Variants in RBM12 observed in about 807,000 individuals in gnomAD.
The protein encoded by RBM12 is RNA-binding protein 12.
In RBM12, 24 loss-of-function variants were observed where a neutral mutation model predicts 37.2. That is an observed-to-expected ratio of 0.65 (90% confidence interval 0.47 to 0.91). The LOEUF (loss-of-function observed/expected upper bound fraction) is 0.91. RBM12 is among the 40% of genes least tolerant of loss of function. The probability of loss-of-function intolerance (pLI) is 0.00; values close to 1 mark genes in which losing one functional copy is unlikely to be tolerated. For synonymous variants in RBM12, 420 were observed against 425.2 expected (o/e 0.99, Z 0.15); for missense variants, 1,061 against 1,183.2 (o/e 0.90, Z 1.52).
chr20:35,660,384 T>C (rs1465765748), intron 1 of RBM12, among the ~76,000 whole-genome samples: 1 of 152,142 alleles, frequency 6.6e-6, no homozygotes, highest in Non-Finnish European at 1.5e-5. Context: ...CCGCAGCTTA[T>C]TTTTGTATTT....
chr20:35,664,900 T>A lies in RBM12; in HGVS notation c.-248A>T, dbSNP rs1337934428. 6.6e-6 allele frequency: 1 copy of A among 152,316 alleles called. No homozygotes were observed. The allele number at this position is 152,316 out of a possible 1,614,324, so 9.4% of individuals were successfully genotyped here. The stretch of plus-strand genomic sequence containing the variant: ...CCACCTCCTTCGCCGCTTCACAAAA[T>A]GGCCGTCGGCCCGCTCAGCGGCTCC... On this transcript the variant is annotated 5_prime_UTR_variant, in exon 1 of 3. Coordinates refer to ENST00000374114, the MANE Select transcript of RBM12 (RefSeq NM_006047.6).
chr20:35,651,669 T>A lies in RBM12; in HGVS notation c.*855A>T, dbSNP rs1297348409. On this transcript the variant is annotated 3_prime_UTR_variant, in exon 3 of 3. Coordinates refer to ENST00000374114, the MANE Select transcript of RBM12 (RefSeq NM_006047.6). ...TTCAAATCAAGTATCTTAAACACAT[T>A]ATTAAAAGTGGTTTCTGGTTTTCGA... 6.6e-6 allele frequency: 1 copy of A among 152,524 alleles called. No homozygotes were observed. The highest frequency in any genetic ancestry group is 1.5e-5 in the Non-Finnish European group (1 of 68,036). 9.4% of individuals were successfully genotyped at this position (152,524 alleles called of 1,614,324 possible).
chr20:35,651,979 T>C lies in RBM12; in HGVS notation c.*545A>G, dbSNP rs2033554612. On this transcript the variant is annotated 3_prime_UTR_variant, in exon 3 of 3. Transcript: ENST00000374114. ...GCAACTTCTGAAGCAGGACTGTCTA[T>C]ACAGCAAGGACCCTTAAGAAGCAAT... is the stretch of plus-strand genomic sequence containing the variant. 1 of 152,570 alleles carries C rather than the reference T, an allele frequency of 6.6e-6. No homozygotes were observed. Among genetic ancestry groups the C allele is most frequent in the African/African-American group, 2.4e-5 (1 of 41,434 alleles). The allele number at this position is 152,570 out of a possible 1,614,324, so 9.5% of individuals were successfully genotyped here. A position where few individuals can be genotyped will look rare whatever the true frequency, so the allele number is the denominator to read the frequency against.
rs1449204362 is a variant in RBM12, at chr20:35,650,486, G to T, written c.*2038C>A. 2.0e-5 allele frequency: 3 copies of T among 152,580 alleles called. No individual in the cohort carries two copies. Among genetic ancestry groups the T allele is most frequent in the Admixed American group, 6.5e-5 (1 of 15,274 alleles). 9.5% of individuals were successfully genotyped at this position (152,580 alleles called of 1,614,324 possible). On this transcript the variant is annotated 3_prime_UTR_variant, in exon 3 of 3. Transcript: ENST00000374114. ...GTGGCTGAAATACAACTCTCAAGCA[G>T]TGCTGAAGTTTTTTGCATTGTCTTT... is the stretch of plus-strand genomic sequence containing the variant.
chr20:35,663,020 C>T (rs904415375), intron 1 of RBM12, among the ~76,000 whole-genome samples: 1 of 152,188 alleles, frequency 6.6e-6, no homozygotes, highest in Non-Finnish European at 1.5e-5. Context: ...CATTAAAAAT[C>T]TGTCCAATAA....
At position 35,654,651 on chromosome 20, in the gene RBM12, GGGCACAGGA is replaced by G. The variant is rs768028697; in HGVS notation, c.663_671del (p.Val223_Pro225del). 2.1e-4 allele frequency: 344 copies of G among 1,613,820 alleles called. 1 individual carries two copies. The East Asian group carries it at 2.9e-3, about 14-fold the overall frequency. On this transcript the variant is annotated inframe_deletion, in exon 3 of 3. Transcript: ENST00000374114. ...GCACAGAAGGAACTGGGGGAATCGG[GGGCACAGGA>G]GGCACAGGAGGCAATGTAGGTACTG... is the stretch of plus-strand genomic sequence containing the variant.
At chr20:35,663,714 G>A (rs977556953) in intron 1 of RBM12, among the ~76,000 whole-genome samples, 1 of 152,104 alleles carries the variant, frequency 6.6e-6, no homozygotes, top group Non-Finnish European at 1.5e-5. Flanking sequence ...CCTCAGATTT[G>A]TCACTATAAA....
At position 35,653,341 on chromosome 20, in the gene RBM12, C is replaced by G. The variant is rs745738666; in HGVS notation, c.1982G>C (p.Gly661Ala). 5.0e-6 allele frequency: 8 copies of G among 1,613,910 alleles called. No individual in the cohort carries two copies. In the South Asian group the frequency reaches 8.8e-5, roughly 18 times the overall value. The change falls in exon 3 of 3, where the codon GGA becomes GCA. Residue 661 changes from glycine (G) to alanine (A), a missense_variant. Gly to Ala is a moderately conservative substitution (Grantham distance 60). This residue lies in a region of RBM12 where 517 missense variants were observed against 534.0 expected (regional missense o/e 0.97). Coordinates refer to ENST00000374114, the MANE Select transcript of RBM12 (RefSeq NM_006047.6). ...ACCGGGAAGTCCTGCACTGGGCAGT[C>G]CCACACCGGGCAGTCCCGCATTGGG... is the stretch of plus-strand genomic sequence containing the variant. ...GMPNAGLPGVGLPSAGLPGAG... is the reference protein window; with the variant it reads ...GMPNAGLPGVALPSAGLPGAG...
chr20:35,656,102 G>GTTA (rs1207049656), intron 2 of RBM12, among the ~76,000 whole-genome samples: 4 of 152,128 alleles, frequency 2.6e-5, no homozygotes, highest in African/African-American at 4.8e-5. Flanking sequence ...GTAGAACCTG[G>GTTA]TTATAGTCCC....
chr20:35,662,384 G>A (rs1186427847), intron 1 of RBM12, among the ~76,000 whole-genome samples: 1 of 152,062 alleles, frequency 6.6e-6, no homozygotes, highest in Non-Finnish European at 1.5e-5. Context: ...CAAACCAAAA[G>A]GTATATGGGT....
In RBM12 at chr20:35,658,915, T is replaced by A. The variant is rs1156734651; in HGVS notation, c.-23+15A>T. 1 of 713,806 alleles carries A rather than the reference T, an allele frequency of 1.4e-6. No individual in the cohort carries two copies. Among genetic ancestry groups the A allele is most frequent in the African/African-American group, 1.8e-5 (1 of 56,956 alleles). 44.2% of individuals were successfully genotyped at this position (713,806 alleles called of 1,614,324 possible). A position where few individuals can be genotyped will look rare whatever the true frequency, so the allele number is the denominator to read the frequency against. On this transcript the variant is annotated intron_variant, in intron 2 of 2. Coordinates refer to ENST00000374114, the MANE Select transcript of RBM12 (RefSeq NM_006047.6). ...ATTTTGTATAAAAACGAACTCTCTA[T>A]TCAAAATCTCTTACCTGATAAAACA...
In RBM12 at chr20:35,655,116, T is replaced by C. The variant is rs570849000; in HGVS notation, c.207A>G (p.Val69=). The C allele has an allele frequency of 1.2e-6, 2 of 1,614,092 alleles. No homozygotes were observed. The highest frequency in any genetic ancestry group is 1.7e-6 in the Non-Finnish European group (2 of 1,180,050). ...CCGTCTTACTACTCAACAATAGTGT[T>C]ACTTTTGACCCTTTAATTGTACCAC... is the stretch of plus-strand genomic sequence containing the variant. The part of the protein sequence containing the change: ...RTGGTIKGSK[V]TLLLSSKTEM... The change falls in exon 3 of 3, where the codon GTA becomes GTG. Residue 69 remains valine, a synonymous_variant. Transcript: ENST00000374114.
Position 35,653,696 on chromosome 20 carries a change from T to C in RBM12, c.1627A>G (p.Lys543Glu). The change falls in exon 3 of 3, where the codon AAA (lysine) becomes GAA (glutamate). Residue 543 changes from lysine (K) to glutamate (E), a missense_variant. By Grantham distance (56) the Lys-to-Glu change is moderately conservative. Around this residue, in one of 3 missense-constraint regions of RBM12, gnomAD observed 517 missense variants for 534.0 expected, o/e 0.97. Coordinates refer to ENST00000374114, the MANE Select transcript of RBM12 (RefSeq NM_006047.6). ...ATATTTGTTATGTGGGCACAGACTT[T>C]GGCAGAGTTGACATCCCCCTCTGGA... Reference protein sequence around the residue: ...LNPEGDVNSAKVCAHITNIPF... With the variant: ...LNPEGDVNSAEVCAHITNIPF... 6.2e-7 allele frequency: 1 copy of C among 1,614,216 alleles called. No homozygotes were observed. The highest frequency in any genetic ancestry group is 8.5e-7 in the Non-Finnish European group (1 of 1,180,032).
At chr20:35,655,519 T>C (rs2033843463) in intron 2 of RBM12, among the ~76,000 whole-genome samples, 175 bp from the exon 3 acceptor site, 1 of 152,180 alleles carries the variant, frequency 6.6e-6, no homozygotes, top group African/African-American at 2.4e-5. Flanking sequence ...ATTTACAATG[T>C]AAAACGTAGA....
In RBM12 at chr20:35,654,090, T is replaced by C. The variant is rs758674293; in HGVS notation, c.1233A>G (p.Ser411=). The C allele has an allele frequency of 1.2e-6, 2 of 1,614,238 alleles. No homozygotes were observed. The highest frequency in any genetic ancestry group is 1.7e-6 in the Non-Finnish European group (2 of 1,180,046). The change falls in exon 3 of 3, where the codon TCA becomes TCG. Residue 411 remains serine (S), a synonymous_variant. Transcript: ENST00000374114. ...THPPPQTLPR[S]KSPSGQKRSR... The stretch of plus-strand genomic sequence containing the variant: ...ATCTTTTCTGCCCACTGGGCGATTT[T>C]GACCTGGGAAGTGTCTGAGGAGGGG...
chr20:35,653,724 T>C lies in RBM12; in HGVS notation c.1599A>G (p.Leu533=), dbSNP rs2146348674. Residue 533 remains leucine, a synonymous_variant, in exon 3 of 3, where the codon CTA becomes CTG. Coordinates refer to ENST00000374114, the MANE Select transcript of RBM12 (RefSeq NM_006047.6). ...NFSYDQREMI[L]NPEGDVNSAK... ...CAGAGTTGACATCCCCCTCTGGATT[T>C]AGTATCATTTCCCTCTGGTCATAGC... The C allele has an allele frequency of 1.2e-6, 2 of 1,614,226 alleles. No individual in the cohort carries two copies. Among genetic ancestry groups the C allele is most frequent in the East Asian group, 2.2e-5 (1 of 44,888 alleles).
At position 35,652,655 on chromosome 20, in the gene RBM12, A is replaced by G. The variant is rs1174043734; in HGVS notation, c.2668T>C (p.Tyr890His). The change falls in exon 3 of 3, where the codon TAC (tyrosine) becomes CAC (histidine). Residue 890 changes from tyrosine (Y) to histidine (H), a missense_variant. This residue lies in a region of RBM12 where 517 missense variants were observed against 534.0 expected (regional missense o/e 0.97). Coordinates refer to ENST00000374114, the MANE Select transcript of RBM12 (RefSeq NM_006047.6). ...CCTGTGGGCATACCTTTTTCATTGT[A>G]TTTTAAACACACTGAGCCTGGGATT... ...QVIPGSVCLK[Y>H]NEKGMPTGEA... 1.9e-6 allele frequency: 3 copies of G among 1,614,074 alleles called. No individual in the cohort carries two copies. The highest frequency in any genetic ancestry group is 2.5e-6 in the Non-Finnish European group (3 of 1,180,016).
chr20:35,657,564 C>T (rs2033972768), intron 2 of RBM12, among the ~76,000 whole-genome samples: 1 of 152,128 alleles, frequency 6.6e-6, no homozygotes, highest in Non-Finnish European at 1.5e-5. Context: ...AAGTGACATA[C>T]ACAGTTAAGT....
chr20:35,654,136 C>G lies in RBM12; in HGVS notation c.1187G>C (p.Gly396Ala), dbSNP rs770363703. 1 of 1,614,182 alleles carries G rather than the reference C, an allele frequency of 6.2e-7. No homozygotes were observed. Among genetic ancestry groups the G allele is most frequent in the Non-Finnish European group, 8.5e-7 (1 of 1,180,038 alleles). The stretch of plus-strand genomic sequence containing the variant: ...AGGGGGATGAGTTTGTCCAGAAGGT[C>G]CCATATTTTGCTTAAAAGTGATATG... ...GGHITFKQNM[G>A]PSGQTHPPPQ... The change falls in exon 3 of 3, where the codon GGA (glycine) becomes GCA (alanine). Residue 396 changes from glycine to alanine, a missense_variant. Physicochemically the swap from Gly to Ala is moderately conservative, Grantham distance 60 (BLOSUM62 0). This residue lies in a region of RBM12 where 540 missense variants were observed against 632.7 expected (regional missense o/e 0.85). Coordinates refer to ENST00000374114, the MANE Select transcript of RBM12 (RefSeq NM_006047.6).
Sources: gnomAD v4.1 joint callset for allele counts (sites outside exome capture counted in the v4.1 genomes callset) on GRCh38, gnomAD v4.1.1 for gene constraint, gnomAD v4.1.1 regional missense constraint, MANE v1.5 for transcripts, NCBI Gene and HGNC (gene_info 2026-07-23, HGNC 2026-07-21) for gene names.